Variants in BNC1 observed in about 807,000 individuals in gnomAD.
BNC1 encodes the protein zinc finger protein basonuclin-1.
In BNC1, 8 loss-of-function variants were observed where a neutral mutation model predicts 66.5. That is an observed-to-expected ratio of 0.12 (90% CI 0.07 to 0.22). The LOEUF (loss-of-function observed/expected upper bound fraction) is 0.22. Ranked by LOEUF, BNC1 falls within the 10% of genes least tolerant of loss-of-function variation. The pLI is 1.00. For missense variants in BNC1, 1,069 were observed against 1,241.3 expected (o/e 0.86, Z 2.09); for synonymous variants, 454 against 452.6 (o/e 1.00, Z -0.04).
chr15:83,271,647 C>T (rs1158290125), intron 1 of BNC1, among the ~76,000 whole-genome samples: 3 of 152,058 alleles, frequency 2.0e-5, no homozygotes, highest in Non-Finnish European at 2.9e-5. Context: ...GATGTACATA[C>T]ATACATAAAC....
rs559791314 is a variant in BNC1 at position 83,282,666 on chromosome 15, G to A, written c.99+1864C>T. Among the ~76,000 whole-genome samples, 65 of 152,220 alleles carry A rather than the reference G, an allele frequency of 4.3e-4. 1 individual carries two copies. The South Asian group carries it at 0.01, about 24-fold the overall frequency. On this transcript the variant is annotated intron_variant, in intron 1 of 4. Transcript: ENST00000345382. Reference sequence around the variant, plus strand: ...TTGCAAACTCAGGGTCGAAGACTTAGAATCTTATCAAGAGATCCCATAAAA... The same window carrying A: ...TTGCAAACTCAGGGTCGAAGACTTAAAATCTTATCAAGAGATCCCATAAAA...
intron 1 of BNC1, among the ~76,000 whole-genome samples, chr15:83,275,491 C>CAAAAAAAAA (rs35785505): frequency 1.2e-5 from 1 of 82,998 alleles, no homozygotes; most frequent in Non-Finnish European, 2.5e-5. Flanking sequence ...GACTCCATCT[C>CAAAAAAAAA]AAAAAAAAAA....
At chr15:83,274,714 T>C (rs1304276379) in intron 1 of BNC1, among the ~76,000 whole-genome samples, 3 of 152,238 alleles carry the variant, frequency 2.0e-5, no homozygotes, top group East Asian at 1.9e-4. Context: ...GTGAGCCTTA[T>C]TGAGCATTTA....
intron 1 of BNC1, among the ~76,000 whole-genome samples, chr15:83,273,753 C>T (rs1016735783): frequency 1.3e-5 from 2 of 152,168 alleles, no homozygotes; most frequent in African/African-American, 4.8e-5. Context: ...ACACCCTGTT[C>T]TACCTTTGGC....
intron 1 of BNC1, among the ~76,000 whole-genome samples, chr15:83,279,061 T>C (rs900689450): frequency 3.3e-5 from 5 of 152,220 alleles, no homozygotes; most frequent in Admixed American, 6.5e-5. Context: ...TCAAGGAAAT[T>C]TGAACACCAA....
chr15:83,275,609 G>A (rs954374256), intron 1 of BNC1, among the ~76,000 whole-genome samples: 3 of 152,182 alleles, frequency 2.0e-5, no homozygotes, highest in African/African-American at 7.2e-5. Context: ...GAGCCTTTGA[G>A]GAGGTAACAT....
intron 1 of BNC1, among the ~76,000 whole-genome samples, chr15:83,278,493 AAAAC>A (rs765613908): frequency 1.3e-5 from 2 of 152,248 alleles, no homozygotes; most frequent in Admixed American, 6.5e-5. Context: ...AAATATACTC[AAAAC>A]AAACAAAACT....
intron 4 of BNC1, among the ~76,000 whole-genome samples, chr15:83,261,391 C>A (rs537448834): frequency 3.0e-4 from 45 of 152,322 alleles, no homozygotes; most frequent in African/African-American, 1.1e-3. Context: ...TACATTTTCA[C>A]CCTCTTAACA....
At chr15:83,275,513 A>C (rs948554952) in intron 1 of BNC1, among the ~76,000 whole-genome samples, 7 of 148,800 alleles carry the variant, frequency 4.7e-5, no homozygotes, top group African/African-American at 1.5e-4. Flanking sequence ...AAAAAAACTA[A>C]GAAGAAAGCT....
Position 83,257,766 on chromosome 15 carries a change from C to T in BNC1, c.2661G>A (p.Met887Ile). The T allele has an allele frequency of 6.2e-7, 1 of 1,614,122 alleles. No individual in the cohort carries two copies. ...CTTCACAGTTCCCATCACTGTCCTCCATAAGCACAGTGCCTTCCTCACTCA... is the reference window on the plus strand; with the variant it reads ...CTTCACAGTTCCCATCACTGTCCTCTATAAGCACAGTGCCTTCCTCACTCA... ...DGVSEEGTVL[M>I]EDSDGNCEGS... Residue 887 changes from methionine (M) to isoleucine (I), a missense_variant, in exon 5 of 5, where the codon ATG (methionine) becomes ATA (isoleucine). By Grantham distance (10) the Met-to-Ile change is conservative. This residue lies in a region of BNC1 where 657 missense variants were observed against 715.8 expected (regional missense o/e 0.92). Coordinates refer to ENST00000345382, the MANE Select transcript of BNC1 (RefSeq NM_001717.4).
chr15:83,274,134 C>T (rs2038295576), intron 1 of BNC1, among the ~76,000 whole-genome samples: 1 of 152,086 alleles, frequency 6.6e-6, no homozygotes, highest in Non-Finnish European at 1.5e-5. Flanking sequence ...CCTGTAATCC[C>T]AGCACTTTGG....
intron 3 of BNC1, 92 bp from the exon 4 acceptor site, chr15:83,264,907 T>C (rs2038199476): frequency 7.6e-7 from 1 of 1,321,406 alleles, no homozygotes; most frequent in Admixed American, 2.3e-5. Flanking sequence ...TGGGATACTT[T>C]TGTGCATATA....
rs2038405622 is a variant in BNC1, at chr15:83,283,475, G to A, written c.99+1055C>T. The A allele has an allele frequency of 5.1e-6, 5 of 985,308 alleles. No individual in the cohort carries two copies. In the African/African-American group the frequency reaches 8.7e-5, roughly 17 times the overall value. The allele number at this position is 985,308 out of a possible 1,614,324, so 61.0% of individuals were successfully genotyped here. ...GAACCGACGGGGCGCTCCCGAGACG[G>A]GCGAGCCACGCGCTCGCAGGTCCCA... On this transcript the variant is annotated intron_variant, in intron 1 of 4. Coordinates refer to ENST00000345382, the MANE Select transcript of BNC1 (RefSeq NM_001717.4).
chr15:83,276,541 A>G (rs1054634116), intron 1 of BNC1, among the ~76,000 whole-genome samples: 2 of 152,212 alleles, frequency 1.3e-5, no homozygotes, highest in African/African-American at 2.4e-5. Flanking sequence ...TTTAATTTCC[A>G]AGTCTCAGTT....
rs188390709 is a variant in BNC1, at chr15:83,262,885, T to C, written c.2300+66A>G. ...TGTGTTTTAACAATTCTCCGGGTGA[T>C]TCTGATGCATGTTAAACTTGAAGAG... On this transcript the variant is annotated intron_variant, in intron 4 of 4. Coordinates refer to ENST00000345382, the MANE Select transcript of BNC1 (RefSeq NM_001717.4). 4.5e-5 allele frequency: 65 copies of C among 1,447,438 alleles called. 3 individuals are homozygous for C. The Middle Eastern group carries it at 7.4e-4, about 17-fold the overall frequency. 89.7% of individuals were successfully genotyped at this position (1,447,438 alleles called of 1,614,324 possible). A position where few individuals can be genotyped will look rare whatever the true frequency, so the allele number is the denominator to read the frequency against.
Position 83,275,813 on chromosome 15 carries a change from C to CAGGT in BNC1, c.100-7585_100-7582dup, listed in dbSNP as rs1463997326. 4.6e-5 allele frequency among the ~76,000 whole-genome samples: 7 copies of CAGGT among 151,886 alleles called. No individual in the cohort carries two copies. In the East Asian group the frequency reaches 1.2e-3, roughly 25 times the overall value. Reference sequence around the variant, plus strand: ...TTATTAGCAGAAAATGAGAATAAGACAGGTGTCAGAGACCACTGTGCATAG... The same window carrying CAGGT: ...TTATTAGCAGAAAATGAGAATAAGACAGGTAGGTGTCAGAGACCACTGTGCATAG... On this transcript the variant is annotated intron_variant, in intron 1 of 4. Transcript: ENST00000345382.
chr15:83,264,336 T>C lies in BNC1; in HGVS notation c.915A>G (p.Leu305=). Residue 305 remains leucine, a synonymous_variant, in exon 4 of 5, where the codon TTA becomes TTG. Transcript: ENST00000345382. ...TPFQVEKDQC[L]NCPDAITKKE... Reference sequence around the variant, plus strand: ...TTTTAGTAATAGCATCCGGACAGTTTAAACACTGATCTTTTTCAACCTGAA... The same window carrying C: ...TTTTAGTAATAGCATCCGGACAGTTCAAACACTGATCTTTTTCAACCTGAA... 1 of 1,614,152 alleles carries C rather than the reference T, an allele frequency of 6.2e-7. No homozygotes were observed. Among genetic ancestry groups the C allele is most frequent in the Non-Finnish European group, 8.5e-7 (1 of 1,180,018 alleles).
At chr15:83,277,278 C>T (rs1201487406) in intron 1 of BNC1, among the ~76,000 whole-genome samples, 1 of 152,098 alleles carries the variant, frequency 6.6e-6, no homozygotes, top group African/African-American at 2.4e-5. Context: ...GGGGGTCTCA[C>T]TATGTTGCTT....
At chr15:83,260,519 A>T (rs1596588719) in intron 4 of BNC1, among the ~76,000 whole-genome samples, 1 of 152,276 alleles carries the variant, frequency 6.6e-6, no homozygotes, top group South Asian at 2.1e-4. Flanking sequence ...CCCTTCTTCC[A>T]GGAAGCTTTC....
Sources: allele counts gnomAD v4.1 joint callset (sites outside exome capture counted in the v4.1 genomes callset), GRCh38; gene constraint gnomAD v4.1.1; regional missense constraint gnomAD v4.1.1; transcripts MANE v1.5; gene names NCBI Gene and HGNC (gene_info 2026-07-23, HGNC 2026-07-21).